HEATR4: variants seen among roughly 807,000 people sequenced by gnomAD.
HEATR4 encodes HEAT repeat containing 4.
A neutral mutation model predicts 108.8 loss-of-function variants in HEATR4; 95 were observed. That is an observed-to-expected ratio of 0.87 (90% CI 0.74 to 1.04). The LOEUF is 1.04. HEATR4 is among the 50% of genes least tolerant of loss of function. The pLI, the probability that HEATR4 is intolerant of heterozygous loss-of-function variation, is 0.00. For missense variants in HEATR4, 1,152 were observed against 1,253.8 expected, an observed-to-expected ratio of 0.92 and a Z score of 1.23; for synonymous variants, 443 against 459.4, an observed-to-expected ratio of 0.96 and a Z score of 0.46.
rs1889198301 is a variant in HEATR4, at chr14:73,544,300, A to C, written c.-151-14056T>G. 1.7e-5 allele frequency among the ~76,000 whole-genome samples: 2 copies of C among 115,266 alleles called. 1 individual carries two copies. The highest frequency in any genetic ancestry group is 2.0e-4 in the Admixed American group (2 of 10,124). The allele number at this position is 115,266 out of a possible 152,430, so 75.6% of individuals were successfully genotyped here. On this transcript the variant is annotated intron_variant, in intron 1 of 17. Transcript: ENST00000553558. ...CACAGCAAGACTATGCCTCAAAAAT[A>C]AATAAATTAATTAAATAAATAAATG...
At chr14:73,576,927 CTTTTCT>C in the HEATR4 span, among the ~76,000 whole-genome samples, 43 of 121,666 alleles carry the variant, frequency 3.5e-4, 2 homozygotes, top group Non-Finnish European at 4.7e-4. Context: ...TTATTCTTTT[CTTTTCT>C]TTTTTTTTTT....
chr14:73,625,730 G>A, the HEATR4 span, among the ~76,000 whole-genome samples: 1 of 152,180 alleles, frequency 6.6e-6, no homozygotes, highest in Non-Finnish European at 1.5e-5. Context: ...GGGGCTCCCA[G>A]AACTGCACCC....
chr14:73,518,934 G>GA, intron 5 of HEATR4, 89 bp downstream of exon 5: 1 of 1,323,260 alleles, frequency 7.6e-7, no homozygotes, highest in East Asian at 2.4e-5. Context: ...CATGAACTGG[G>GA]AGCTCTAGCA....
chr14:73,590,094 A>AC, the HEATR4 span, among the ~76,000 whole-genome samples: 1 of 151,944 alleles, frequency 6.6e-6, no homozygotes. Context: ...GTAGAAAAGA[A>AC]CCCCAACAAG....
intron 17 of HEATR4, among the ~76,000 whole-genome samples, chr14:73,486,391 C>A (rs1234735110): frequency 6.6e-6 from 1 of 152,208 alleles, no homozygotes; most frequent in Non-Finnish European, 1.5e-5. Context: ...TGCTATCCTT[C>A]CTTCTTAAAG....
At chr14:73,495,543 A>T (rs1198325117) in intron 15 of HEATR4, among the ~76,000 whole-genome samples, 156 bp from the exon 16 acceptor site, 2 of 152,076 alleles carry the variant, frequency 1.3e-5, no homozygotes, top group East Asian at 1.9e-4. Flanking sequence ...TGATCATGCC[A>T]CTGCACTCCA....
chr14:73,544,130 T>C (rs1889192810), intron 1 of HEATR4, among the ~76,000 whole-genome samples: 1 of 113,486 alleles, frequency 8.8e-6, no homozygotes. Flanking sequence ...CCATCTCTAC[T>C]AAAAATACAA....
At chr14:73,577,815 T>C in the HEATR4 span, among the ~76,000 whole-genome samples, 3 of 151,978 alleles carry the variant, frequency 2.0e-5, no homozygotes, top group African/African-American at 7.2e-5. Flanking sequence ...GGAGTTCAAG[T>C]CAGCCTGGGT....
At chr14:73,589,041 A>C in the HEATR4 span, among the ~76,000 whole-genome samples, 5 of 152,012 alleles carry the variant, frequency 3.3e-5, no homozygotes, top group African/African-American at 9.7e-5. Flanking sequence ...AACATCCCCC[A>C]CCAGAATGGT....
chr14:73,567,105 C>G, the HEATR4 span, among the ~76,000 whole-genome samples: 1 of 152,074 alleles, frequency 6.6e-6, no homozygotes, highest in African/African-American at 2.4e-5. Flanking sequence ...CCGCGCCCAT[C>G]CCCTTTTTCT....
chr14:73,616,170 G>A, the HEATR4 span, among the ~76,000 whole-genome samples: 1 of 151,992 alleles, frequency 6.6e-6, no homozygotes, highest in Non-Finnish European at 1.5e-5. Flanking sequence ...GTCTTGTTAT[G>A]TTGCCCAGGC....
the HEATR4 span, chr14:73,617,246 G>C: frequency 6.2e-7 from 1 of 1,611,396 alleles, no homozygotes; most frequent in Non-Finnish European, 8.5e-7. Context: ...GCTGATGCAG[G>C]GCTGAATCCA....
rs1390199086 is a variant in HEATR4 at position 73,531,754 on chromosome 14, C to T, written c.-151-1510G>A. 1.8e-5 allele frequency among the ~76,000 whole-genome samples: 2 copies of T among 113,464 alleles called. 1 individual carries two copies. The highest frequency in any genetic ancestry group is 3.8e-5 in the Non-Finnish European group (2 of 52,220). The allele number at this position is 113,464 out of a possible 152,430, so 74.4% of individuals were successfully genotyped here. ...AATAAACCTCAGCCAGGCGCAATGG[C>T]TGACACCTGTAATCCCAGCAACTTG... is the stretch of plus-strand genomic sequence containing the variant. On this transcript the variant is annotated intron_variant, in intron 1 of 17. Transcript: ENST00000553558.
At chr14:73,484,037 A>G (rs1885350032) in intron 17 of HEATR4, among the ~76,000 whole-genome samples, 1 of 151,738 alleles carries the variant, frequency 6.6e-6, no homozygotes, top group African/African-American at 2.4e-5. Flanking sequence ...CTTTATTTTC[A>G]GTAGAGACGG....
chr14:73,496,067 T>G, intron 15 of HEATR4, among the ~76,000 whole-genome samples: 1 of 151,438 alleles, frequency 6.6e-6, no homozygotes, highest in African/African-American at 2.4e-5. Context: ...GAGGTGGAGG[T>G]TGCAGTGAGC....
At chr14:73,593,110 T>C in the HEATR4 span, among the ~76,000 whole-genome samples, 3 of 152,218 alleles carry the variant, frequency 2.0e-5, no homozygotes, top group Non-Finnish European at 4.4e-5. Flanking sequence ...TGTCGTCTTC[T>C]CTAGTGTTCT....
the HEATR4 span, chr14:73,612,673 G>T: frequency 2.1e-6 from 3 of 1,412,290 alleles, no homozygotes; most frequent in Non-Finnish European, 2.8e-6. Flanking sequence ...CAGTCACGCT[G>T]CGCACGTCCC....
At chr14:73,491,474 C>G (rs1220215517) in intron 17 of HEATR4, 1 of 1,491,946 alleles carries the variant, frequency 6.7e-7, no homozygotes, top group African/African-American at 1.4e-5. Context: ...GTGCACCGCG[C>G]AACACTTAGC....
the HEATR4 span, chr14:73,593,742 T>C: frequency 6.2e-7 from 1 of 1,613,702 alleles, no homozygotes; most frequent in Non-Finnish European, 8.5e-7. Flanking sequence ...TCTTTGGTAT[T>C]GGAGGGGGCC....
Sources: allele counts gnomAD v4.1 joint callset (sites outside exome capture counted in the v4.1 genomes callset), GRCh38; gene constraint gnomAD v4.1.1; transcripts MANE v1.5; gene names NCBI Gene and HGNC (gene_info 2026-07-23, HGNC 2026-07-21).